COL11A1: variants seen among roughly 807,000 people sequenced by gnomAD.
COL11A1 encodes collagen alpha-1(XI) chain.
Under a neutral mutation model 265.2 loss-of-function variants are expected in COL11A1, and 74 were observed. That is an observed-to-expected ratio of 0.28 (90% CI 0.23 to 0.34). The LOEUF is 0.34. Among genes scored for constraint, COL11A1 ranks in the 10% least tolerant of loss-of-function variants. The probability of loss-of-function intolerance (pLI) is 1.00; values close to 1 mark genes in which losing one functional copy is unlikely to be tolerated. For missense variants in COL11A1, 2,165 were observed against 2,263.6 expected, an observed-to-expected ratio of 0.96 and a Z score of 0.88; for synonymous variants, 816 against 727.6, an observed-to-expected ratio of 1.12 and a Z score of -1.96.
Position 103,103,781 on chromosome 1 carries a change from T to C in COL11A1, c.106+4292A>G, listed in dbSNP as rs368009084. On this transcript the variant is annotated intron_variant, in intron 1 of 66. Transcript: ENST00000370096. ...AGATATCATGGTAGTCCATTGAGAG[T>C]GAGTACTTCCCATAAATTAAATGTC... Among the ~76,000 whole-genome samples the C allele has an allele frequency of 3.3e-4, 50 of 152,008 alleles. 2 individuals are homozygous for C. In the South Asian group the frequency reaches 0.01, roughly 31 times the overall value.
intron 36 of COL11A1, among the ~76,000 whole-genome samples, chr1:102,972,413 G>T (rs983611110): frequency 1.1e-4 from 16 of 152,114 alleles, no homozygotes; most frequent in African/African-American, 3.6e-4. Flanking sequence ...ATCCTGGGAA[G>T]AATGCAACAT....
chr1:102,987,827 T>G, intron 29 of COL11A1, 87 bp from the exon 30 acceptor site: 1 of 931,286 alleles, frequency 1.1e-6, no homozygotes, highest in Non-Finnish European at 1.8e-6. Context: ...GTGAAAGAGA[T>G]CTGATATAAT....
intron 54 of COL11A1, among the ~76,000 whole-genome samples, chr1:102,906,719 T>C (rs1654029207): frequency 6.6e-6 from 1 of 151,658 alleles, no homozygotes; most frequent in African/African-American, 2.4e-5. Context: ...ATTTTTTTTT[T>C]CTTTTTCTTT....
chr1:102,911,777 C>A (rs545886415), intron 54 of COL11A1, among the ~76,000 whole-genome samples: 88 of 152,220 alleles, frequency 5.8e-4, no homozygotes, highest in African/African-American at 1.8e-3. Flanking sequence ...TTCATTGATG[C>A]ATTCATGTTT....
At chr1:102,910,234 G>A (rs1407108848) in intron 54 of COL11A1, among the ~76,000 whole-genome samples, 1 of 151,786 alleles carries the variant, frequency 6.6e-6, no homozygotes, top group Non-Finnish European at 1.5e-5. Flanking sequence ...AAAATATTCA[G>A]TTGTTTTCAA....
At chr1:103,062,346 A>C (rs761568550) in intron 4 of COL11A1, among the ~76,000 whole-genome samples, 8 of 151,958 alleles carry the variant, frequency 5.3e-5, no homozygotes, top group Non-Finnish European at 1.2e-4. Flanking sequence ...ACATCACCCT[A>C]ATATCAAAAC....
At chr1:103,075,380 T>C (rs1462676975) in intron 3 of COL11A1, among the ~76,000 whole-genome samples, 3 of 152,156 alleles carry the variant, frequency 2.0e-5, no homozygotes, top group African/African-American at 7.2e-5. Context: ...ATCACTACTG[T>C]AGGCAGGATC....
intron 4 of COL11A1, among the ~76,000 whole-genome samples, chr1:103,071,106 A>G (rs1671551186): frequency 6.6e-6 from 1 of 152,030 alleles, no homozygotes; most frequent in Non-Finnish European, 1.5e-5. Context: ...AAAATGCAAA[A>G]TGTCCATCAC....
In COL11A1 at chr1:102,935,016, G is replaced by T. The variant is rs753951691; in HGVS notation, c.3492+44C>A. 3.8e-6 allele frequency: 6 copies of T among 1,582,828 alleles called. No individual in the cohort carries two copies. The East Asian group carries it at 1.3e-4, about 35-fold the overall frequency. On this transcript the variant is annotated intron_variant, in intron 45 of 66. Coordinates refer to ENST00000370096, the MANE Select transcript of COL11A1 (RefSeq NM_001854.4). ...GGGACAGTATACAAATTTAATCAGG[G>T]AGCTGTAAGGATTTAGATTTGCTGA... is the stretch of plus-strand genomic sequence containing the variant.
chr1:102,982,301 G>A (rs1257615422), intron 31 of COL11A1, among the ~76,000 whole-genome samples: 1 of 151,724 alleles, frequency 6.6e-6, no homozygotes, highest in Non-Finnish European at 1.5e-5. Flanking sequence ...GGAAAAAACG[G>A]GATTTTAAAT....
At chr1:102,896,337 T>C (rs1053198629) in intron 57 of COL11A1, among the ~76,000 whole-genome samples, 1 of 152,168 alleles carries the variant, frequency 6.6e-6, no homozygotes, top group Non-Finnish European at 1.5e-5. Context: ...AAGTTACTTC[T>C]CATTCTGATT....
rs556433150 is a variant in COL11A1, at chr1:102,911,764, C to A, written c.4086+395G>T. Among the ~76,000 whole-genome samples the A allele has an allele frequency of 1.6e-4, 24 of 152,304 alleles. No homozygotes were observed. In the South Asian group the frequency reaches 1.7e-3, roughly 11 times the overall value. ...ACTGATTCCTGAGCTCATTTCACCT[C>A]ATTTCATTGATGCATTCATGTTTTT... On this transcript the variant is annotated intron_variant, in intron 54 of 66. Coordinates refer to ENST00000370096, the MANE Select transcript of COL11A1 (RefSeq NM_001854.4).
At chr1:102,961,570 T>G (rs1660910342) in intron 41 of COL11A1, among the ~76,000 whole-genome samples, 3 of 152,204 alleles carry the variant, frequency 2.0e-5, no homozygotes, top group Admixed American at 2.0e-4. Context: ...AGGCATTCCG[T>G]GACTATGAGC....
chr1:102,934,605 A>T, intron 45 of COL11A1, 49 bp from the exon 46 acceptor site: 2 of 1,389,724 alleles, frequency 1.4e-6, no homozygotes, highest in South Asian at 1.2e-5. Flanking sequence ...AATCATTACG[A>T]TATGAGTCAT....
At chr1:102,879,636 G>A (rs1443137154) in intron 66 of COL11A1, 47 bp downstream of exon 66, 4 of 1,536,764 alleles carry the variant, frequency 2.6e-6, no homozygotes, top group African/African-American at 2.7e-5. Context: ...ACGGTGACAT[G>A]CTGCCTATCA....
Position 102,914,809 on chromosome 1 carries a change from A to T in COL11A1, c.3819T>A (p.Gly1273=). Residue 1273 remains glycine, a splice_region_variant and synonymous_variant, in exon 51 of 67, where the codon GGT becomes GGA. Transcript: ENST00000370096. ...PGPPGEAGVG[G]PKGERGEKGE... ...CTTTCTCTCCTCTTTCTCCTTTGGG[A>T]CCCTAAACAATGTTAAAAAAAAAAA... 6.4e-7 allele frequency: 1 copy of T among 1,568,074 alleles called. No individual in the cohort carries two copies. The highest frequency in any genetic ancestry group is 8.6e-7 in the Non-Finnish European group (1 of 1,156,692).
intron 9 of COL11A1, among the ~76,000 whole-genome samples, chr1:103,019,996 C>A (rs530997007): frequency 6.0e-4 from 85 of 142,578 alleles, no homozygotes; most frequent in Admixed American, 1.7e-3. Flanking sequence ...CCTTGTTGGA[C>A]ATTTGGGTTG....
intron 20 of COL11A1, among the ~76,000 whole-genome samples, chr1:103,004,168 C>G (rs912788072): frequency 1.3e-5 from 2 of 151,980 alleles, no homozygotes; most frequent in African/African-American, 4.8e-5. Flanking sequence ...GCACAAAAAA[C>G]AAAACAAAGA....
intron 46 of COL11A1, among the ~76,000 whole-genome samples, chr1:102,931,472 C>G (rs1371761158): frequency 6.6e-6 from 1 of 152,062 alleles, no homozygotes; most frequent in African/African-American, 2.4e-5. Context: ...TTGTTATAAT[C>G]TCTCTTCTTA....
Sources: allele counts gnomAD v4.1 joint callset (sites outside exome capture counted in the v4.1 genomes callset), GRCh38; gene constraint gnomAD v4.1.1; transcripts MANE v1.5; gene names NCBI Gene and HGNC (gene_info 2026-07-23, HGNC 2026-07-21).